GLIS3: variants seen among roughly 807,000 people sequenced by gnomAD.
GLIS3 encodes zinc finger protein GLIS3.
GLIS3 carries 53 observed loss-of-function variants against 78.6 expected under a neutral mutation model. The observed-to-expected ratio is 0.67, with a 90% CI of 0.54 to 0.85. GLIS3 has a LOEUF of 0.85. Ranked by LOEUF, GLIS3 falls within the 40% of genes least tolerant of loss-of-function variation. GLIS3 has a pLI of 0.00. For missense variants in GLIS3, 1,703 were observed against 1,231.1 expected (o/e 1.38, Z -5.74); for synonymous variants, 684 against 509.9 (o/e 1.34, Z -4.60).
intron 4 of GLIS3, among the ~76,000 whole-genome samples, chr9:4,013,585 G>C (rs1221061824): frequency 6.6e-6 from 1 of 152,174 alleles, no homozygotes; most frequent in Non-Finnish European, 1.5e-5. Context: ...TTCACTAAGT[G>C]TTCATTTGGC....
chr9:4,178,646 A>T (rs73396459), intron 2 of GLIS3, among the ~76,000 whole-genome samples: 9,027 of 152,262 alleles, frequency 0.059, 387 homozygotes, highest in African/African-American at 0.12. Context: ...AGTTTATCAT[A>T]AACACAGGAA....
At chr9:4,393,984 C>T in the GLIS3 span, among the ~76,000 whole-genome samples, 1 of 151,798 alleles carries the variant, frequency 6.6e-6, no homozygotes, top group African/African-American at 2.4e-5. Context: ...AAAACTGAAA[C>T]AGAAAATGGT....
chr9:4,376,638 T>C, the GLIS3 span, among the ~76,000 whole-genome samples: 1 of 135,002 alleles, frequency 7.4e-6, no homozygotes, highest in African/African-American at 2.6e-5. Context: ...TAAATATACA[T>C]CTTATAAAAG....
chr9:4,001,159 G>A (rs1237686461), intron 4 of GLIS3, among the ~76,000 whole-genome samples: 2 of 152,036 alleles, frequency 1.3e-5, no homozygotes, highest in Non-Finnish European at 2.9e-5. Flanking sequence ...TGTTCTTCAT[G>A]CTTATTACAA....
the GLIS3 span, among the ~76,000 whole-genome samples, chr9:4,405,341 C>T: frequency 0.032 from 4,493 of 141,282 alleles, 143 homozygotes; most frequent in Non-Finnish European, 0.04. Context: ...GCAGTAAGAG[C>T]GAAACTCCAT....
chr9:4,194,593 C>G (rs1273586244), intron 2 of GLIS3, among the ~76,000 whole-genome samples: 1 of 152,152 alleles, frequency 6.6e-6, no homozygotes, highest in African/African-American at 2.4e-5. Flanking sequence ...AGCTTTAATT[C>G]AAGAAAGCAA....
At chr9:4,294,405 A>T (rs1816299457) in intron 1 of GLIS3, among the ~76,000 whole-genome samples, 1 of 152,130 alleles carries the variant, frequency 6.6e-6, no homozygotes, top group South Asian at 2.1e-4. Flanking sequence ...ACTACTTGGG[A>T]GGCTGAGGCA....
chr9:4,351,930 T>C (rs1208384615), upstream of GLIS3, among the ~76,000 whole-genome samples: 1 of 152,214 alleles, frequency 6.6e-6, no homozygotes, highest in Non-Finnish European at 1.5e-5. Context: ...GTGCCTGTAT[T>C]TGAGTTACAT....
rs186041131 is a variant in GLIS3 at position 4,334,665 on chromosome 9, C to G, written n.264+12416G>C. Among the ~76,000 whole-genome samples, 13 of 152,334 alleles carry G rather than the reference C, an allele frequency of 8.5e-5. No homozygotes were observed. The East Asian group carries it at 2.5e-3, about 29-fold the overall frequency. ...GGCCTGTTCAGCCACTGTCCCCATG[C>G]TGCTTTGCCTGTCTTCTCCTTATAC... On this transcript the variant is annotated intron_variant and non_coding_transcript_variant, in intron 2 of 4. Coordinates refer to the GLIS3 transcript ENST00000471664.
At chr9:4,163,892 G>C (rs956487728) in intron 2 of GLIS3, among the ~76,000 whole-genome samples, 13 of 152,338 alleles carry the variant, frequency 8.5e-5, no homozygotes, top group Middle Eastern at 3.4e-3. Context: ...GGCTACAAAT[G>C]AGTAAGGCCA....
rs536609917 is a variant in GLIS3 at position 4,195,211 on chromosome 9, C to A, written c.389-69270G>T. Among the ~76,000 whole-genome samples the A allele has an allele frequency of 3.9e-5, 6 of 152,334 alleles. No individual in the cohort carries two copies. The South Asian group carries it at 1.2e-3, about 32-fold the overall frequency. ...TCTGCTCTGGCCACGCTTGAGGAGC[C>A]CTTCAGCCCACCACTGCACTGTGGG... On this transcript the variant is annotated intron_variant, in intron 2 of 10. Coordinates refer to ENST00000381971, the MANE Select transcript of GLIS3 (RefSeq NM_001042413.2).
At chr9:4,200,891 A>G (rs1308825376) in intron 2 of GLIS3, among the ~76,000 whole-genome samples, 1 of 152,170 alleles carries the variant, frequency 6.6e-6, no homozygotes, top group East Asian at 1.9e-4. Context: ...TGAAAAAAGA[A>G]AACTACAGGC....
At chr9:3,873,337 A>T (rs952284439) in intron 8 of GLIS3, among the ~76,000 whole-genome samples, 1 of 152,196 alleles carries the variant, frequency 6.6e-6, no homozygotes, top group African/African-American at 2.4e-5. Context: ...GAGACAAAAA[A>T]TCCTCAATAA....
chr9:3,866,068 A>G (rs1820557648), intron 8 of GLIS3, among the ~76,000 whole-genome samples: 1 of 152,162 alleles, frequency 6.6e-6, no homozygotes, highest in South Asian at 2.1e-4. Context: ...CTGCTCTGGG[A>G]TACTGTAACC....
chr9:4,111,510 G>T (rs972844777), intron 4 of GLIS3, among the ~76,000 whole-genome samples: 3 of 152,188 alleles, frequency 2.0e-5, no homozygotes, highest in Non-Finnish European at 2.9e-5. Context: ...TTACCAAATG[G>T]CAGGTTTCTA....
chr9:4,253,687 G>C lies in GLIS3; in HGVS notation c.388+32351C>G, dbSNP rs530144935. Among the ~76,000 whole-genome samples the C allele has an allele frequency of 2.6e-5, 4 of 152,316 alleles. No individual in the cohort carries two copies. The South Asian group carries it at 8.3e-4, about 32-fold the overall frequency. ...AACTCCTGCAGCTAGCTGGGTGTCCGCCCAAACGGCCGCCCAGTTTTGTGC... is the reference window on the plus strand; with the variant it reads ...AACTCCTGCAGCTAGCTGGGTGTCCCCCCAAACGGCCGCCCAGTTTTGTGC... On this transcript the variant is annotated intron_variant, in intron 2 of 10. Transcript: ENST00000381971.
At chr9:4,096,910 G>A (rs1232711510) in intron 4 of GLIS3, among the ~76,000 whole-genome samples, 1 of 152,190 alleles carries the variant, frequency 6.6e-6, no homozygotes, top group Non-Finnish European at 1.5e-5. Context: ...TACTCGGGAG[G>A]CTGAGGCAGG....
chr9:4,355,124 T>TC, the GLIS3 span, among the ~76,000 whole-genome samples: 1 of 135,584 alleles, frequency 7.4e-6, no homozygotes, highest in Non-Finnish European at 1.6e-5. Context: ...AGAGCGAGAC[T>TC]CCATCTCGAA....
chr9:4,163,372 A>T (rs1835652766), intron 2 of GLIS3, among the ~76,000 whole-genome samples: 1 of 152,400 alleles, frequency 6.6e-6, no homozygotes, highest in South Asian at 2.1e-4. Context: ...GAGCTGGAGG[A>T]TACCTCATTT....
Sources: gnomAD v4.1 joint callset for allele counts (sites outside exome capture counted in the v4.1 genomes callset) on GRCh38, gnomAD v4.1.1 for gene constraint, MANE v1.5 for transcripts, NCBI Gene and HGNC (gene_info 2026-07-23, HGNC 2026-07-21) for gene names.